Variants in MRTFA observed in about 807,000 individuals in gnomAD.
The protein encoded by MRTFA is myocardin-related transcription factor A.
MRTFA carries 20 observed loss-of-function variants against 83.5 expected under a neutral mutation model. The observed-to-expected ratio is 0.24, with a 90% CI of 0.17 to 0.35. The LOEUF (loss-of-function observed/expected upper bound fraction) is 0.35, where lower values mean the gene tolerates loss of function less well. Ranked by LOEUF, MRTFA falls within the 10% of genes least tolerant of loss-of-function variation. MRTFA has a pLI of 1.00. For synonymous variants in MRTFA, 659 were observed against 541.2 expected, an observed-to-expected ratio of 1.22 and a Z score of -3.02; for missense variants, 1,200 against 1,224.7, an observed-to-expected ratio of 0.98 and a Z score of 0.30.
intron 2 of MRTFA, among the ~76,000 whole-genome samples, chr22:40,555,996 A>G (rs111230915): frequency 2.7e-4 from 41 of 152,262 alleles, no homozygotes; most frequent in African/African-American, 9.4e-4. Flanking sequence ...CTAAAGCCAC[A>G]CTTAAGAAAA....
intron 3 of MRTFA, among the ~76,000 whole-genome samples, chr22:40,531,174 T>G (rs138709372): frequency 1.3e-5 from 2 of 151,892 alleles, no homozygotes; most frequent in African/African-American, 4.8e-5. Flanking sequence ...TCATAGCTTG[T>G]TGCAGCCTCG....
At chr22:40,430,084 G>A (rs2053036912) in intron 6 of MRTFA, among the ~76,000 whole-genome samples, 1 of 152,138 alleles carries the variant, frequency 6.6e-6, no homozygotes, top group Admixed American at 6.5e-5. Flanking sequence ...CCTCAAACTT[G>A]CTGTGTTACT....
intron 1 of MRTFA, among the ~76,000 whole-genome samples, chr22:40,596,229 A>G (rs931873515): frequency 6.6e-6 from 1 of 152,192 alleles, no homozygotes; most frequent in Non-Finnish European, 1.5e-5. Context: ...ATTATTTAAG[A>G]TACAACTGAG....
chr22:40,597,142 T>C (rs73887840), intron 1 of MRTFA, among the ~76,000 whole-genome samples: 3,070 of 152,314 alleles, frequency 0.02, 95 homozygotes, highest in African/African-American at 0.069. Flanking sequence ...TTATACAACT[T>C]TGTATCTCGC....
At chr22:40,518,521 C>T (rs562254956) in intron 3 of MRTFA, among the ~76,000 whole-genome samples, 1 of 151,818 alleles carries the variant, frequency 6.6e-6, no homozygotes, top group East Asian at 1.9e-4. Flanking sequence ...AGGCCAGGCA[C>T]GGTGGCTCAC....
At chr22:40,574,808 A>C (rs904113390) in intron 2 of MRTFA, among the ~76,000 whole-genome samples, 1 of 152,058 alleles carries the variant, frequency 6.6e-6, no homozygotes, top group African/African-American at 2.4e-5. Context: ...CAAATACTAC[A>C]CCTTTTTATA....
intron 2 of MRTFA, among the ~76,000 whole-genome samples, chr22:40,571,358 T>C (rs1326068660): frequency 1.3e-5 from 2 of 152,074 alleles, no homozygotes; most frequent in Non-Finnish European, 2.9e-5. Flanking sequence ...GACCTTCAAT[T>C]AGGCAACGGC....
chr22:40,423,496 C>A, intron 9 of MRTFA, 40 bp downstream of exon 9: 1 of 1,431,358 alleles, frequency 7.0e-7, no homozygotes, highest in South Asian at 1.6e-5. Flanking sequence ...CTCCAAAGGG[C>A]ACAGGGAAGG....
chr22:40,418,839 C>T lies in MRTFA; in HGVS notation c.1899G>A (p.Gln633=). 6.2e-7 allele frequency: 1 copy of T among 1,612,034 alleles called. No individual in the cohort carries two copies. Among genetic ancestry groups the T allele is most frequent in the Non-Finnish European group, 8.5e-7 (1 of 1,179,798 alleles). Reference sequence around the variant, plus strand: ...GGAGCATGCGCGTCAGCGCCTCGATCTGCTTGTCTTTCTCCTGCAGCATCT... The same window carrying T: ...GGAGCATGCGCGTCAGCGCCTCGATTTGCTTGTCTTTCTCCTGCAGCATCT... Residue 633 remains glutamine, a synonymous_variant, in exon 12 of 15, where the codon CAG becomes CAA. Coordinates refer to ENST00000355630, the MANE Select transcript of MRTFA (RefSeq NM_020831.6).
intron 3 of MRTFA, among the ~76,000 whole-genome samples, chr22:40,504,694 C>T (rs2054552701): frequency 6.6e-6 from 1 of 152,104 alleles, no homozygotes; most frequent in Admixed American, 6.5e-5. Flanking sequence ...AGTGAGAAAC[C>T]TGAAGAGGAT....
At chr22:40,630,973 T>C (rs2056635605) in intron 1 of MRTFA, among the ~76,000 whole-genome samples, 1 of 152,202 alleles carries the variant, frequency 6.6e-6, no homozygotes, top group Non-Finnish European at 1.5e-5. Flanking sequence ...GTGAAGCACA[T>C]GCTCTTTTAA....
At chr22:40,509,546 C>T (rs1380479198) in intron 3 of MRTFA, among the ~76,000 whole-genome samples, 2 of 152,182 alleles carry the variant, frequency 1.3e-5, no homozygotes, top group Admixed American at 6.5e-5. Context: ...CTTTCTCATC[C>T]AGCTGGTCAA....
At chr22:40,493,806 CTGAG>C (rs1407603507) in intron 3 of MRTFA, among the ~76,000 whole-genome samples, 4 of 152,190 alleles carry the variant, frequency 2.6e-5, no homozygotes, top group Non-Finnish European at 5.9e-5. Flanking sequence ...AATCCTATTC[CTGAG>C]TATTTATCTA....
At chr22:40,514,909 C>A (rs536625322) in intron 3 of MRTFA, among the ~76,000 whole-genome samples, 36 of 147,976 alleles carry the variant, frequency 2.4e-4, no homozygotes, top group African/African-American at 8.5e-4. Context: ...AATATTTCTT[C>A]CTTTTTTTTT....
intron 2 of MRTFA, among the ~76,000 whole-genome samples, chr22:40,585,899 C>T (rs1332871259): frequency 2.0e-5 from 3 of 152,168 alleles, no homozygotes; most frequent in African/African-American, 7.2e-5. Context: ...GTCACAGAAT[C>T]AATTTCCTAG....
intron 2 of MRTFA, among the ~76,000 whole-genome samples, chr22:40,581,347 T>C (rs749102325): frequency 4.6e-5 from 7 of 152,172 alleles, no homozygotes; most frequent in Non-Finnish European, 7.4e-5. Context: ...TTATGCAAAA[T>C]ACATACAAGA....
intron 14 of MRTFA, among the ~76,000 whole-genome samples, chr22:40,414,766 G>C (rs2052640385): frequency 6.6e-6 from 1 of 152,216 alleles, no homozygotes; most frequent in Non-Finnish European, 1.5e-5. Context: ...ATGGGGTGAT[G>C]AAGTTCTGGA....
intron 3 of MRTFA, among the ~76,000 whole-genome samples, chr22:40,503,172 C>A (rs1209936202): frequency 6.6e-6 from 1 of 152,234 alleles, no homozygotes; most frequent in African/African-American, 2.4e-5. Context: ...AGATGCAGAA[C>A]TGAACTAACA....
chr22:40,421,069 G>A lies in MRTFA; in HGVS notation c.959C>T (p.Ser320Leu). 6.5e-7 allele frequency: 1 copy of A among 1,542,824 alleles called. No homozygotes were observed. The highest frequency in any genetic ancestry group is 1.4e-5 in the African/African-American group (1 of 73,044). ...CTCCTTGGCCTTCTTGCTGCGCTGT[G>A]ACTTCTCACTGGCAGACTTGGGTTG... Residue 320 changes from serine to leucine, a missense_variant, in exon 10 of 15, where the codon TCA (serine) becomes TTA (leucine). By Grantham distance (145) the Ser-to-Leu change is moderately radical. This residue lies in a region of MRTFA where 1,107 missense variants were observed against 1,041.8 expected (regional missense o/e 1.06). Transcript: ENST00000355630.
Sources: gnomAD v4.1 joint callset for allele counts (sites outside exome capture counted in the v4.1 genomes callset) on GRCh38, gnomAD v4.1.1 for gene constraint, gnomAD v4.1.1 regional missense constraint, MANE v1.5 for transcripts, NCBI Gene and HGNC (gene_info 2026-07-23, HGNC 2026-07-21) for gene names.